RTN4IP1: variants seen among roughly 807,000 people sequenced by gnomAD.
RTN4IP1 encodes the protein reticulon 4 interacting protein 1, also known as NAD(P)H oxidoreductase RTN4IP1, mitochondrial.
A neutral mutation model predicts 46.6 loss-of-function variants in RTN4IP1; 32 were observed. The ratio of observed to expected loss-of-function variants is 0.69; its 90% confidence interval spans 0.52 to 0.92. The LOEUF (loss-of-function observed/expected upper bound fraction) is 0.92. Ranked by LOEUF, RTN4IP1 falls within the 40% of genes least tolerant of loss-of-function variation. The pLI is 0.00. For synonymous variants in RTN4IP1, 167 were observed against 161.8 expected (o/e 1.03, Z -0.24); for missense variants, 424 against 485.8 (o/e 0.87, Z 1.20).
At chr6:106,609,508 G>A (rs1399058143) in intron 4 of RTN4IP1, among the ~76,000 whole-genome samples, 2 of 152,190 alleles carry the variant, frequency 1.3e-5, no homozygotes, top group African/African-American at 4.8e-5. Context: ...TAGCCTGGGT[G>A]ACAGAGTGAG....
chr6:106,611,991 C>T (rs1776236558), intron 4 of RTN4IP1, among the ~76,000 whole-genome samples: 1 of 152,152 alleles, frequency 6.6e-6, no homozygotes, highest in Non-Finnish European at 1.5e-5. Flanking sequence ...AGAATTTCAA[C>T]CAGGGGTACT....
At chr6:106,583,276 A>G in intron 8 of RTN4IP1, 52 bp downstream of exon 8, 1 of 1,430,804 alleles carries the variant, frequency 7.0e-7, no homozygotes, top group East Asian at 2.3e-5. Context: ...GGTCTACAGG[A>G]GGTGCTGTAG....
chr6:106,618,743 A>G (rs751952419), intron 4 of RTN4IP1, among the ~76,000 whole-genome samples: 2 of 152,222 alleles, frequency 1.3e-5, no homozygotes, highest in Admixed American at 1.3e-4. Context: ...AGAATATTCA[A>G]TAGTTGTGCA....
chr6:106,602,957 C>G, intron 4 of RTN4IP1, 35 bp from the exon 5 acceptor site: 3 of 1,543,914 alleles, frequency 1.9e-6, no homozygotes, highest in Non-Finnish European at 2.6e-6. Context: ...TAACGAGAAT[C>G]TAAAGCAGAT....
intron 8 of RTN4IP1, among the ~76,000 whole-genome samples, chr6:106,572,781 T>G (rs1775107148): frequency 7.0e-6 from 1 of 143,728 alleles, no homozygotes; most frequent in Non-Finnish European, 1.5e-5. Context: ...GTTTTTTTTT[T>G]GTTTTTTCTT....
chr6:106,600,818 ATT>A (rs1562143513), intron 5 of RTN4IP1, among the ~76,000 whole-genome samples: 1 of 151,924 alleles, frequency 6.6e-6, no homozygotes, highest in Non-Finnish European at 1.5e-5. Flanking sequence ...TCTATACCAC[ATT>A]TTGTTTATCC....
Position 106,629,435 on chromosome 6 carries a change from G to C in RTN4IP1, c.-414C>G. 1.0e-5 allele frequency: 6 copies of C among 589,810 alleles called. No individual in the cohort carries two copies. Among genetic ancestry groups the C allele is most frequent in the Middle Eastern group, 4.6e-4 (1 of 2,184 alleles). The allele number at this position is 589,810 out of a possible 1,614,324, so 36.5% of individuals were successfully genotyped here. ...GAGAATCGAACGCTTGCCGACTGCC[G>C]CCGCGACCCTGGCCCGGAATCTCCT... On this transcript the variant is annotated 5_prime_UTR_variant, in exon 1 of 9. Coordinates refer to ENST00000369063, the MANE Select transcript of RTN4IP1 (RefSeq NM_032730.5).
intron 6 of RTN4IP1, 123 bp from the exon 7 acceptor site, chr6:106,587,985 C>T (rs1051460933): frequency 6.3e-6 from 5 of 793,622 alleles, no homozygotes; most frequent in Admixed American, 2.9e-5. Context: ...AACTGTGCTG[C>T]ACCTCGCCAT....
chr6:106,595,443 G>C (rs972521092), intron 5 of RTN4IP1, among the ~76,000 whole-genome samples: 1 of 151,726 alleles, frequency 6.6e-6, no homozygotes, highest in Non-Finnish European at 1.5e-5. Flanking sequence ...TGGTGGTTGC[G>C]AAATAGTGAT....
intron 1 of RTN4IP1, among the ~76,000 whole-genome samples, chr6:106,627,927 G>A (rs1226153533): frequency 6.8e-6 from 1 of 146,200 alleles, no homozygotes; most frequent in African/African-American, 2.5e-5. Flanking sequence ...AATTAGCTGG[G>A]TGTGGCGGCG....
upstream of RTN4IP1, chr6:106,629,828 G>C: frequency 8.3e-7 from 1 of 1,203,790 alleles, no homozygotes; most frequent in Non-Finnish European, 1.2e-6. Flanking sequence ...CTAGAACTGA[G>C]TGGGGGATAA....
intron 7 of RTN4IP1, among the ~76,000 whole-genome samples, chr6:106,586,065 A>G (rs1440303532): frequency 1.3e-5 from 2 of 152,200 alleles, no homozygotes; most frequent in African/African-American, 4.8e-5. Context: ...TGGTTTGTTC[A>G]TTTCTATTAC....
intron 8 of RTN4IP1, among the ~76,000 whole-genome samples, chr6:106,577,998 C>T (rs193008576): frequency 7.6e-4 from 116 of 152,260 alleles, no homozygotes; most frequent in African/African-American, 2.6e-3. Context: ...TAATTTGTTA[C>T]TGCAATAGGA....
intron 8 of RTN4IP1, among the ~76,000 whole-genome samples, chr6:106,573,237 A>G: frequency 6.6e-6 from 1 of 152,224 alleles, no homozygotes; most frequent in East Asian, 1.9e-4. Flanking sequence ...AGCAAAAATC[A>G]ATAGTTATCC....
intron 4 of RTN4IP1, among the ~76,000 whole-genome samples, chr6:106,609,347 G>T (rs1776164789): frequency 6.6e-6 from 1 of 152,178 alleles, no homozygotes; most frequent in African/African-American, 2.4e-5. Context: ...TTGAGCCCAG[G>T]AGTTGAAGAT....
intron 4 of RTN4IP1, among the ~76,000 whole-genome samples, chr6:106,605,548 T>C (rs988390675): frequency 2.0e-5 from 3 of 151,766 alleles, no homozygotes; most frequent in African/African-American, 7.3e-5. Context: ...GTGCAGTGGC[T>C]CATGCCTGTA....
chr6:106,579,290 C>A (rs574468517), intron 8 of RTN4IP1, among the ~76,000 whole-genome samples: 2 of 151,652 alleles, frequency 1.3e-5, no homozygotes, highest in Admixed American at 1.3e-4. Context: ...AAAAACAGGC[C>A]TCAGACTGAA....
At chr6:106,618,324 C>T (rs997743292) in intron 4 of RTN4IP1, among the ~76,000 whole-genome samples, 3 of 152,170 alleles carry the variant, frequency 2.0e-5, no homozygotes, top group Non-Finnish European at 4.4e-5. Flanking sequence ...GTTTGACCTA[C>T]AGCTCCTTCC....
chr6:106,600,391 G>A (rs866512041), intron 5 of RTN4IP1, among the ~76,000 whole-genome samples: 1 of 152,068 alleles, frequency 6.6e-6, no homozygotes, highest in African/African-American at 2.4e-5. Flanking sequence ...GGAACTTTTG[G>A]TTTGTTTTGT....
Sources: allele counts gnomAD v4.1 joint callset (sites outside exome capture counted in the v4.1 genomes callset), GRCh38; gene constraint gnomAD v4.1.1; transcripts MANE v1.5; gene names NCBI Gene and HGNC (gene_info 2026-07-23, HGNC 2026-07-21).